Variants in CEP250 observed in about 807,000 individuals in gnomAD.
The protein encoded by CEP250 is centrosomal protein 250.
CEP250 carries 242 observed loss-of-function variants against 315.7 expected under a neutral mutation model. That is an observed-to-expected ratio of 0.77 (90% confidence interval 0.69 to 0.85). The LOEUF (loss-of-function observed/expected upper bound fraction) is 0.85, where lower values mean the gene tolerates loss of function less well. Among genes scored for constraint, CEP250 ranks in the 40% least tolerant of loss-of-function variants. CEP250 has a pLI of 0.00. For missense variants in CEP250, 2,515 were observed against 2,886.4 expected (o/e 0.87, Z 2.95); for synonymous variants, 1,088 against 1,175.0 (o/e 0.93, Z 1.51).
In CEP250 at chr20:35,467,285, T is replaced by C; in HGVS notation, c.600-19T>C. On this transcript the variant is annotated intron_variant, in intron 8 of 34. Transcript: ENST00000397527. ...CCTGGTTCCTAGTGGAGTCTGCTGT[T>C]TTCCTTGCTTGTACTCAGAGATCTG... 1 of 1,606,222 alleles carries C rather than the reference T, an allele frequency of 6.2e-7. No individual in the cohort carries two copies. The highest frequency in any genetic ancestry group is 8.5e-7 in the Non-Finnish European group (1 of 1,174,248).
At position 35,467,312 on chromosome 20, in the gene CEP250, T is replaced by C. The variant is rs778723730; in HGVS notation, c.608T>C (p.Met203Thr). Residue 203 changes from methionine (M) to threonine (T), a missense_variant, in exon 9 of 35, where the codon ATG (methionine) becomes ACG (threonine). Coordinates refer to ENST00000397527, the MANE Select transcript of CEP250 (RefSeq NM_007186.6). The part of the protein sequence containing the change: ...EMKSATDRDL[M>T]ELKAEHVRLS... ...TCCTTGCTTGTACTCAGAGATCTGA[T>C]GGAGCTAAAAGCTGAGCATGTGAGG... 3 of 1,612,472 alleles carry C rather than the reference T, an allele frequency of 1.9e-6. No individual in the cohort carries two copies. The highest frequency in any genetic ancestry group is 2.7e-5 in the African/African-American group (2 of 74,880).
chr20:35,493,039 AT>A (rs1031046617), intron 22 of CEP250, among the ~76,000 whole-genome samples: 1 of 152,002 alleles, frequency 6.6e-6, no homozygotes, highest in Non-Finnish European at 1.5e-5. Flanking sequence ...GTTGGATGGT[AT>A]TTAAAAAGCA....
At chr20:35,498,863 A>G (rs1420666299) in intron 27 of CEP250, 147 bp downstream of exon 27, 2 of 940,906 alleles carry the variant, frequency 2.1e-6, no homozygotes, top group African/African-American at 1.7e-5. Flanking sequence ...GGCAACCACA[A>G]ATGAAGCATT....
In CEP250 at chr20:35,473,636, G is replaced by A. The variant is rs1264117061; in HGVS notation, c.1388+84G>A. ...CCAGCCATTTACCCACTCCCATCAG[G>A]TTTTTGGGGTGCTGATCCTGTTCTC... On this transcript the variant is annotated intron_variant, in intron 13 of 34. Coordinates refer to ENST00000397527, the MANE Select transcript of CEP250 (RefSeq NM_007186.6). The A allele has an allele frequency of 4.4e-6, 6 of 1,376,058 alleles. No individual in the cohort carries two copies. In the Admixed American group the frequency reaches 1.3e-4, roughly 29 times the overall value. 85.2% of individuals were successfully genotyped at this position (1,376,058 alleles called of 1,614,324 possible). A position where few individuals can be genotyped will look rare whatever the true frequency, so the allele number is the denominator to read the frequency against.
At chr20:35,459,645 G>A (rs543839857) in intron 2 of CEP250, among the ~76,000 whole-genome samples, 13 of 150,980 alleles carry the variant, frequency 8.6e-5, no homozygotes, top group South Asian at 6.3e-4. Flanking sequence ...AAAAAGCCTC[G>A]GTGGCACACA....
chr20:35,464,403 G>A (rs866323313), intron 5 of CEP250, among the ~76,000 whole-genome samples: 1 of 152,016 alleles, frequency 6.6e-6, no homozygotes, highest in South Asian at 2.1e-4. Flanking sequence ...CAGCCTCCTG[G>A]GCTTAAGCGA....
rs773410352 is a variant in CEP250 at position 35,473,547 on chromosome 20, C to T, written c.1383C>T (p.Leu461=). The change falls in exon 13 of 35, where the codon CTC becomes CTT. Residue 461 remains leucine, a synonymous_variant. Transcript: ENST00000397527. ...TVDLQGEVDS[L]SKERELLQKA... ...ACCTCCAGGGAGAGGTGGACTCTCT[C>T]AGCAAGTGAGCAGACGGGCTGTTCA... 1.2e-6 allele frequency: 2 copies of T among 1,610,942 alleles called. No homozygotes were observed. The highest frequency in any genetic ancestry group is 2.7e-5 in the African/African-American group (2 of 74,868).
At chr20:35,477,451 G>A (rs2063205843) in intron 16 of CEP250, among the ~76,000 whole-genome samples, 1 of 152,194 alleles carries the variant, frequency 6.6e-6, no homozygotes, top group African/African-American at 2.4e-5. Flanking sequence ...CACCATACCC[G>A]GCCTAAGTCT....
rs1286862728 is a variant in CEP250, at chr20:35,517,195, T to C, written c.*5569T>C. 2 of 181,768 alleles carry C rather than the reference T, an allele frequency of 1.1e-5. No homozygotes were observed. Among genetic ancestry groups the C allele is most frequent in the Non-Finnish European group, 2.1e-5 (2 of 95,106 alleles). 11.3% of individuals were successfully genotyped at this position (181,768 alleles called of 1,614,324 possible). A position where few individuals can be genotyped will look rare whatever the true frequency, so the allele number is the denominator to read the frequency against. On this transcript the variant is annotated 3_prime_UTR_variant, in exon 35 of 35. Coordinates refer to ENST00000397527, the MANE Select transcript of CEP250 (RefSeq NM_007186.6). Reference sequence around the variant, plus strand: ...CCCTGCTAAAGGCTGGGCTGAAAGCTAAGAGGAGAGGTGGCATTCAATGTG... The same window carrying C: ...CCCTGCTAAAGGCTGGGCTGAAAGCCAAGAGGAGAGGTGGCATTCAATGTG...
At chr20:35,497,343 T>G (rs1035859483) in intron 25 of CEP250, among the ~76,000 whole-genome samples, 1 of 152,182 alleles carries the variant, frequency 6.6e-6, no homozygotes, top group Non-Finnish European at 1.5e-5. Flanking sequence ...TAGGAATATA[T>G]AAAGTGTCAG....
Position 35,473,419 on chromosome 20 carries a change from T to C in CEP250, c.1255T>C (p.Leu419=), listed in dbSNP as rs535629982. 1 of 1,614,142 alleles carries C rather than the reference T, an allele frequency of 6.2e-7. No individual in the cohort carries two copies. The highest frequency in any genetic ancestry group is 1.1e-5 in the South Asian group (1 of 91,070). The part of the protein sequence containing the change: ...LAGCQEAVNL[L]QQQHDQWEEE... ...AGGCTGTCAAGAGGCTGTGAACTTG[T>C]TGCAACAGCAGCATGATCAGTGGGA... Residue 419 remains leucine, a synonymous_variant, in exon 13 of 35, where the codon TTG becomes CTG. Transcript: ENST00000397527.
intron 20 of CEP250, among the ~76,000 whole-genome samples, chr20:35,481,618 ATTTT>A (rs199864664): frequency 1.6e-5 from 2 of 123,622 alleles, no homozygotes; most frequent in Admixed American, 8.1e-5. Flanking sequence ...TTCTATTCAG[ATTTT>A]TTTTTTTTTT....
chr20:35,471,337 T>C (rs1426491158), intron 10 of CEP250, among the ~76,000 whole-genome samples: 1 of 152,224 alleles, frequency 6.6e-6, no homozygotes, highest in African/African-American at 2.4e-5. Flanking sequence ...GCATCTACCA[T>C]TCAACTTCAG....
intron 3 of CEP250, among the ~76,000 whole-genome samples, chr20:35,460,464 G>A (rs2062728992): frequency 6.6e-6 from 1 of 152,206 alleles, no homozygotes; most frequent in Non-Finnish European, 1.5e-5. Context: ...AGGCCATGAT[G>A]AACTGGAGAG....
At chr20:35,479,145 T>C (rs1026099468) in intron 17 of CEP250, 86 bp from the exon 18 acceptor site, 1 of 1,321,426 alleles carries the variant, frequency 7.6e-7, no homozygotes, top group African/African-American at 1.5e-5. Context: ...CCAGAATCTC[T>C]GAAGAGGCAA....
rs917634597 is a variant in CEP250 at position 35,477,755 on chromosome 20, T to A, written c.1864-116T>A. The A allele has an allele frequency of 3.7e-6, 3 of 820,492 alleles. No homozygotes were observed. In the African/African-American group the frequency reaches 5.2e-5, roughly 14 times the overall value. 50.8% of individuals were successfully genotyped at this position (820,492 alleles called of 1,614,324 possible). A position where few individuals can be genotyped will look rare whatever the true frequency, so the allele number is the denominator to read the frequency against. On this transcript the variant is annotated intron_variant, in intron 16 of 34. Transcript: ENST00000397527. ...TTTCCCCCATCTTATAAACACTCCTTTGTTCATCTTTGGAGAATAGATTCA... is the reference window on the plus strand; with the variant it reads ...TTTCCCCCATCTTATAAACACTCCTATGTTCATCTTTGGAGAATAGATTCA...
intron 17 of CEP250, among the ~76,000 whole-genome samples, chr20:35,478,772 C>T (rs1277165362): frequency 6.6e-6 from 1 of 152,156 alleles, no homozygotes; most frequent in African/African-American, 2.4e-5. Context: ...TTTATTTCTC[C>T]AGCTTTTAGC....
chr20:35,480,167 G>T (rs553116540), intron 20 of CEP250, 22 bp downstream of exon 20: 3 of 1,597,990 alleles, frequency 1.9e-6, no homozygotes, highest in Admixed American at 3.4e-5. Flanking sequence ...ATGTGGCCGG[G>T]TATGGCCTCC....
chr20:35,497,728 C>T lies in CEP250; in HGVS notation c.3316C>T (p.Leu1106=). ...QKELSAQMEL[L]RQEVKEKEAD... is the part of the protein sequence containing the mutation. ...AATTCTTCCTTGACAGATGGAATTA[C>T]TAAGGCAAGAGGTGAAGGAAAAGGA... The change falls in exon 26 of 35, where the codon CTA becomes TTA. Residue 1106 remains leucine (L), a synonymous_variant. Transcript: ENST00000397527. The T allele has an allele frequency of 6.5e-7, 1 of 1,547,514 alleles. No individual in the cohort carries two copies. The highest frequency in any genetic ancestry group is 1.2e-5 in the South Asian group (1 of 84,028).
Sources: gnomAD v4.1 joint callset for allele counts (sites outside exome capture counted in the v4.1 genomes callset) on GRCh38, gnomAD v4.1.1 for gene constraint, MANE v1.5 for transcripts, NCBI Gene and HGNC (gene_info 2026-07-23, HGNC 2026-07-21) for gene names.